EPHX2: variants seen among roughly 807,000 people sequenced by gnomAD.
EPHX2 encodes bifunctional epoxide hydrolase 2.
A neutral mutation model predicts 78.7 loss-of-function variants in EPHX2; 74 were observed. The ratio of observed to expected loss-of-function variants is 0.94; its 90% CI spans 0.78 to 1.14. The LOEUF is 1.14. Among genes scored for constraint, EPHX2 ranks in the 50% most tolerant of loss-of-function variants. The pLI is 0.00. For missense variants in EPHX2, 715 were observed against 702.5 expected (o/e 1.02, Z -0.20); for synonymous variants, 251 against 255.2 (o/e 0.98, Z 0.16).
chr8:27,493,504 T>G (rs1813462523), intron 1 of EPHX2, among the ~76,000 whole-genome samples: 1 of 152,116 alleles, frequency 6.6e-6, no homozygotes, highest in Non-Finnish European at 1.5e-5. Flanking sequence ...GAGTGTATGG[T>G]AGTAGGATAA....
In EPHX2 at chr8:27,513,822, G is replaced by A. The variant is rs569642451; in HGVS notation, c.736-1896G>A. Among the ~76,000 whole-genome samples the A allele has an allele frequency of 5.3e-5, 8 of 152,292 alleles. No homozygotes were observed. In the South Asian group the frequency reaches 1.0e-3, roughly 20 times the overall value. On this transcript the variant is annotated intron_variant, in intron 6 of 18. Transcript: ENST00000521400. ...TTGGGATCTGTGCTAGAACACAGGC[G>A]AACTAGGATCGTTTTTGATCAGACA...
chr8:27,526,013 G>A (rs1380831397), intron 12 of EPHX2, among the ~76,000 whole-genome samples: 1 of 152,218 alleles, frequency 6.6e-6, no homozygotes, highest in East Asian at 1.9e-4. Flanking sequence ...ACCTGGCCTG[G>A]TGCCCCGCCT....
At chr8:27,496,342 T>C (rs1428324397) in intron 1 of EPHX2, among the ~76,000 whole-genome samples, 1 of 152,164 alleles carries the variant, frequency 6.6e-6, no homozygotes, top group Non-Finnish European at 1.5e-5. Context: ...GGCCAGTGCC[T>C]GACCAAACAG....
chr8:27,541,548 T>C lies in EPHX2; in HGVS notation c.1449+6T>C, dbSNP rs1563364702. On this transcript the variant is annotated splice_donor_region_variant and intron_variant, in intron 16 of 18. Coordinates refer to ENST00000521400, the MANE Select transcript of EPHX2 (RefSeq NM_001979.6). ...GCAAAAGCTTGGGACGGAAGGTGAGTGCCAGGTTCAGTGTAGTCTCATCCA... is the reference window on the plus strand; with the variant it reads ...GCAAAAGCTTGGGACGGAAGGTGAGCGCCAGGTTCAGTGTAGTCTCATCCA... The C allele has an allele frequency of 6.2e-7, 1 of 1,614,028 alleles. No homozygotes were observed. The highest frequency in any genetic ancestry group is 1.7e-5 in the Admixed American group (1 of 60,014).
rs1815526493 is a variant in EPHX2 at position 27,544,575 on chromosome 8, G to T, written c.*53G>T. On this transcript the variant is annotated 3_prime_UTR_variant, in exon 19 of 19. Transcript: ENST00000521400. ...GTGTGCCATCCTTCCACCTGCTGGG[G>T]CACCATTCTTAGTATACAGAGGTGG... 4.6e-5 allele frequency: 73 copies of T among 1,585,320 alleles called. No homozygotes were observed. The South Asian group carries it at 7.3e-4, about 16-fold the overall frequency.
intron 14 of EPHX2, chr8:27,539,331 G>A (rs72477583): frequency 6.6e-5 from 10 of 152,402 alleles, no homozygotes; most frequent in African/African-American, 2.4e-4. Context: ...CTGACCATCT[G>A]TATAAAACTC....
intron 1 of EPHX2, among the ~76,000 whole-genome samples, chr8:27,498,880 G>C (rs923979075): frequency 6.6e-6 from 1 of 152,174 alleles, no homozygotes; most frequent in Non-Finnish European, 1.5e-5. Context: ...CTATGTAATT[G>C]TCTTAGTCCA....
At chr8:27,506,130 AG>A (rs1412237231) in intron 4 of EPHX2, among the ~76,000 whole-genome samples, 1 of 152,182 alleles carries the variant, frequency 6.6e-6, no homozygotes, top group African/African-American at 2.4e-5. Flanking sequence ...CTATGACCAC[AG>A]GTTCATACCA....
chr8:27,498,880 G>A (rs923979075), intron 1 of EPHX2, among the ~76,000 whole-genome samples: 2 of 152,174 alleles, frequency 1.3e-5, no homozygotes, highest in Non-Finnish European at 2.9e-5. Flanking sequence ...CTATGTAATT[G>A]TCTTAGTCCA....
At chr8:27,534,665 G>A (rs1405934014) in intron 12 of EPHX2, among the ~76,000 whole-genome samples, 2 of 152,014 alleles carry the variant, frequency 1.3e-5, no homozygotes, top group Non-Finnish European at 2.9e-5. Context: ...AATAAAAAAA[G>A]TAACCTCTCA....
chr8:27,508,014 G>T (rs1265126078), intron 5 of EPHX2, among the ~76,000 whole-genome samples: 2 of 152,152 alleles, frequency 1.3e-5, no homozygotes, highest in Non-Finnish European at 2.9e-5. Flanking sequence ...AGTATTGGGG[G>T]CTAAGGCTGG....
At chr8:27,513,781 A>G (rs1310136579) in intron 6 of EPHX2, among the ~76,000 whole-genome samples, 10 of 152,236 alleles carry the variant, frequency 6.6e-5, no homozygotes, top group African/African-American at 2.4e-4. Flanking sequence ...ATAAAGCTCA[A>G]GAGTGAGCTG....
intron 5 of EPHX2, among the ~76,000 whole-genome samples, 165 bp from the exon 6 acceptor site, chr8:27,511,670 TG>T (rs1161092274): frequency 2.0e-5 from 3 of 152,176 alleles, no homozygotes; most frequent in African/African-American, 7.2e-5. Context: ...GAATGGAGTC[TG>T]GCTGTGCTGG....
chr8:27,506,106 A>AGCCT (rs1232122693), intron 4 of EPHX2, among the ~76,000 whole-genome samples: 2 of 152,142 alleles, frequency 1.3e-5, no homozygotes, highest in Non-Finnish European at 2.9e-5. Context: ...GTCCTGCCTC[A>AGCCT]GCCTCCCAAG....
intron 9 of EPHX2, 64 bp from the exon 10 acceptor site, chr8:27,520,819 A>G (rs1450808708): frequency 4.4e-6 from 7 of 1,604,564 alleles, no homozygotes; most frequent in Admixed American, 3.3e-5. Flanking sequence ...AGTTCAGCCC[A>G]TCATAAAGGC....
chr8:27,495,048 C>T (rs1444432248), intron 1 of EPHX2, among the ~76,000 whole-genome samples: 2 of 152,346 alleles, frequency 1.3e-5, no homozygotes, highest in Admixed American at 6.5e-5. Context: ...TCTGCCTTTT[C>T]TCCTTCACCT....
intron 12 of EPHX2, among the ~76,000 whole-genome samples, chr8:27,529,676 C>T (rs1312892837): frequency 2.0e-5 from 3 of 151,916 alleles, no homozygotes; most frequent in Non-Finnish European, 4.4e-5. Flanking sequence ...TCTATAATCT[C>T]AGCAGACAGG....
At position 27,515,846 on chromosome 8, in the gene EPHX2, G is replaced by C. The variant is rs745417250; in HGVS notation, c.831+33G>C. On this transcript the variant is annotated intron_variant, in intron 7 of 18. Coordinates refer to ENST00000521400, the MANE Select transcript of EPHX2 (RefSeq NM_001979.6). The stretch of plus-strand genomic sequence containing the variant: ...AGCTGGGGAAGATGCAGCCAGTCAG[G>C]GTGAGGTTGGGGGAGTCTAGATGGT... 8.8e-6 allele frequency: 14 copies of C among 1,589,770 alleles called. No homozygotes were observed. In the Admixed American group the frequency reaches 2.2e-4, roughly 25 times the overall value.
chr8:27,525,653 T>C (rs1054370900), intron 12 of EPHX2, among the ~76,000 whole-genome samples, 180 bp downstream of exon 12: 1 of 152,270 alleles, frequency 6.6e-6, no homozygotes, highest in South Asian at 2.1e-4. Context: ...TCCCAGGCAA[T>C]GGCACATTTC....
Sources: allele counts gnomAD v4.1 joint callset (sites outside exome capture counted in the v4.1 genomes callset), GRCh38; gene constraint gnomAD v4.1.1; transcripts MANE v1.5; gene names NCBI Gene and HGNC (gene_info 2026-07-23, HGNC 2026-07-21).